Variants in HIVEP2 observed in about 807,000 individuals in gnomAD.
HIVEP2 encodes the protein HIVEP zinc finger 2, also known as transcription factor HIVEP2.
Under a neutral mutation model 180.7 loss-of-function variants are expected in HIVEP2, and 14 were observed. That is an observed-to-expected ratio of 0.08 (90% CI 0.05 to 0.12). The LOEUF is 0.12. Among genes scored for constraint, HIVEP2 ranks in the 10% least tolerant of loss-of-function variants. The pLI is 1.00. For missense variants in HIVEP2, 2,579 were observed against 3,008.5 expected, an observed-to-expected ratio of 0.86 and a Z score of 3.34; for synonymous variants, 1,184 against 1,136.4, an observed-to-expected ratio of 1.04 and a Z score of -0.84.
chr6:142,829,297 T>C (rs1775008585), intron 2 of HIVEP2, among the ~76,000 whole-genome samples: 2 of 152,180 alleles, frequency 1.3e-5, no homozygotes, highest in South Asian at 2.1e-4. Flanking sequence ...AAACATACCA[T>C]ATGACTTTTC....
In HIVEP2 at chr6:142,770,578, T is replaced by C. The variant is rs1775505002; in HGVS notation, c.4161A>G (p.Ile1387Met). Residue 1387 changes from isoleucine (I) to methionine (M), a missense_variant, in exon 5 of 10, where the codon ATA (isoleucine) becomes ATG (methionine). This residue lies in a region of HIVEP2 where 523 missense variants were observed against 577.0 expected (regional missense o/e 0.91). Coordinates refer to ENST00000367603, the MANE Select transcript of HIVEP2 (RefSeq NM_006734.4). This position sits in a 1 kb window ranked among gnomAD's most constrained non-coding sequence, Gnocchi z 4.7. Reference sequence around the variant, plus strand: ...CCAGCACCTGGGCAATGTTGAATCCTATCCCTTGCATGGCTGCGTTGGTGA... The same window carrying C: ...CCAGCACCTGGGCAATGTTGAATCCCATCCCTTGCATGGCTGCGTTGGTGA... ...TLVTNAAMQG[I>M]GFNIAQVLGQ... The C allele has an allele frequency of 6.2e-7, 1 of 1,614,250 alleles. No individual in the cohort carries two copies. Among genetic ancestry groups the C allele is most frequent in the East Asian group, 2.2e-5 (1 of 44,880 alleles).
intron 1 of HIVEP2, among the ~76,000 whole-genome samples, chr6:142,871,919 A>G (rs1345352454): frequency 6.6e-6 from 1 of 152,032 alleles, no homozygotes; most frequent in Non-Finnish European, 1.5e-5. Context: ...CACAAATTTA[A>G]TAGCACTACA....
At chr6:142,866,978 T>C (rs549189534) in intron 1 of HIVEP2, among the ~76,000 whole-genome samples, 3 of 152,276 alleles carry the variant, frequency 2.0e-5, no homozygotes, top group Admixed American at 6.5e-5. Flanking sequence ...ACAGGAGAAG[T>C]TGACAAAGGG....
At chr6:142,911,139 T>TAAAAAAAAAAAAAA in intron 1 of HIVEP2, among the ~76,000 whole-genome samples, 1 of 106,228 alleles carries the variant, frequency 9.4e-6, no homozygotes, top group Non-Finnish European at 1.9e-5. Flanking sequence ...ACAAACACAT[T>TAAAAAAAAAAAAAA]AAAAAAAAAA....
chr6:142,866,021 T>C (rs1776130092), intron 1 of HIVEP2, among the ~76,000 whole-genome samples: 1 of 152,152 alleles, frequency 6.6e-6, no homozygotes, highest in Non-Finnish European at 1.5e-5. Flanking sequence ...TTAACCTCTC[T>C]AGGCTTTGAG....
chr6:142,933,376 A>G (rs1777983895), intron 1 of HIVEP2, among the ~76,000 whole-genome samples: 1 of 152,242 alleles, frequency 6.6e-6, no homozygotes, highest in Admixed American at 6.5e-5. Context: ...ACTGTTTGGC[A>G]TTGTTTGATT....
intron 2 of HIVEP2, among the ~76,000 whole-genome samples, chr6:142,833,551 A>G (rs1222430172): frequency 6.6e-6 from 1 of 152,256 alleles, no homozygotes; most frequent in Non-Finnish European, 1.5e-5. Flanking sequence ...GGATTTGCTC[A>G]TACTACTGGT....
intron 1 of HIVEP2, among the ~76,000 whole-genome samples, chr6:142,857,047 C>T (rs1000146580): frequency 2.1e-4 from 32 of 152,156 alleles, no homozygotes; most frequent in African/African-American, 7.7e-4. Context: ...TGTTCAGAAA[C>T]GTAGTGGTGA....
At chr6:142,909,656 T>C (rs1011636310) in intron 1 of HIVEP2, among the ~76,000 whole-genome samples, 2 of 152,214 alleles carry the variant, frequency 1.3e-5, no homozygotes, top group African/African-American at 2.4e-5. Flanking sequence ...TAGATCACCA[T>C]AGCAAACCTA....
chr6:142,810,526 G>T (rs953059037), intron 2 of HIVEP2, among the ~76,000 whole-genome samples: 2 of 152,090 alleles, frequency 1.3e-5, no homozygotes, highest in Non-Finnish European at 2.9e-5. Context: ...ACTTTGGGAG[G>T]CCAGGGGGGC....
chr6:142,900,270 G>A (rs138802166), intron 1 of HIVEP2, among the ~76,000 whole-genome samples: 2 of 152,130 alleles, frequency 1.3e-5, no homozygotes, highest in African/African-American at 4.8e-5. Context: ...CAAAGGACTG[G>A]GGAAATTGAC....
At chr6:142,899,482 C>CT (rs1211359501) in intron 1 of HIVEP2, among the ~76,000 whole-genome samples, 3 of 152,202 alleles carry the variant, frequency 2.0e-5, no homozygotes, top group Non-Finnish European at 4.4e-5. Flanking sequence ...CATGCCTGCT[C>CT]TTTATTGCAT....
intron 1 of HIVEP2, among the ~76,000 whole-genome samples, chr6:142,933,887 G>A (rs972333236): frequency 7.9e-5 from 12 of 152,270 alleles, no homozygotes; most frequent in African/African-American, 2.6e-4. Flanking sequence ...ATTTGAAAAA[G>A]TAAACAGATT....
intron 2 of HIVEP2, among the ~76,000 whole-genome samples, chr6:142,827,684 G>A (rs1234651001): frequency 6.6e-6 from 1 of 152,182 alleles, no homozygotes; most frequent in African/African-American, 2.4e-5. Flanking sequence ...GAAGGAGTGG[G>A]AAGGAGGAAG....
chr6:142,941,975 C>T (rs948582459), intron 1 of HIVEP2, among the ~76,000 whole-genome samples: 3 of 152,252 alleles, frequency 2.0e-5, no homozygotes, highest in African/African-American at 7.2e-5. Flanking sequence ...AGGAGATGAG[C>T]AGCCTGTCTG....
intron 2 of HIVEP2, among the ~76,000 whole-genome samples, chr6:142,810,752 ACT>A (rs1160186413): frequency 4.9e-5 from 6 of 122,888 alleles, no homozygotes; most frequent in Admixed American, 4.2e-4. Context: ...ACAGAGTAAG[ACT>A]CTGTCTCAAA....
chr6:142,902,365 T>A (rs1777153898), intron 1 of HIVEP2, among the ~76,000 whole-genome samples: 1 of 152,184 alleles, frequency 6.6e-6, no homozygotes, highest in Non-Finnish European at 1.5e-5. Flanking sequence ...TGGCCCATAC[T>A]CTTCCAAAAT....
chr6:142,936,847 A>G (rs1049574962), intron 1 of HIVEP2, among the ~76,000 whole-genome samples: 2 of 144,102 alleles, frequency 1.4e-5, no homozygotes, highest in Non-Finnish European at 3.1e-5. Flanking sequence ...TTTTTTTACT[A>G]TTTTTGTCTA....
At position 142,753,033 on chromosome 6, in the gene HIVEP2, T is replaced by C; in HGVS notation, c.*74A>G. 1.1e-6 allele frequency: 1 copy of C among 871,198 alleles called. No homozygotes were observed. Among genetic ancestry groups the C allele is most frequent in the Non-Finnish European group, 1.9e-6 (1 of 518,984 alleles). The allele number at this position is 871,198 out of a possible 1,614,324, so 54.0% of individuals were successfully genotyped here. A position where few individuals can be genotyped will look rare whatever the true frequency, so the allele number is the denominator to read the frequency against. ...TAGGACAGGCATGCTATAAACTGGA[T>C]TACCTCCATTTCTAGAAAAACAAAA... On this transcript the variant is annotated 3_prime_UTR_variant, in exon 10 of 10. Transcript: ENST00000367603.
Sources: gnomAD v4.1 joint callset for allele counts (sites outside exome capture counted in the v4.1 genomes callset) on GRCh38, gnomAD v4.1.1 for gene constraint, gnomAD v4.1.1 regional missense constraint, Gnocchi (gnomAD v3.1) non-coding constraint, MANE v1.5 for transcripts, NCBI Gene and HGNC (gene_info 2026-07-23, HGNC 2026-07-21) for gene names.